The following ZNF483 variants were observed in gnomAD, a reference collection of about 807,000 sequenced individuals.
The protein encoded by ZNF483 is zinc finger protein HIT-10.
Under a neutral mutation model 28.6 loss-of-function variants are expected in ZNF483, and 9 were observed. That is an observed-to-expected ratio of 0.32 (90% CI 0.19 to 0.55). The LOEUF is 0.55. Among genes scored for constraint, ZNF483 ranks in the 20% least tolerant of loss-of-function variants. The probability of loss-of-function intolerance (pLI) is 0.93; values close to 1 mark genes in which losing one functional copy is unlikely to be tolerated. For missense variants in ZNF483, 675 were observed against 871.7 expected (o/e 0.77, Z 2.84); for synonymous variants, 322 against 306.2 (o/e 1.05, Z -0.54).
At chr9:111,565,054 G>C (rs1358839079) in intron 5 of ZNF483, among the ~76,000 whole-genome samples, 2 of 152,120 alleles carry the variant, frequency 1.3e-5, no homozygotes, top group Non-Finnish European at 2.9e-5. Flanking sequence ...AACCCGGCAG[G>C]CGGAGGTTGC....
At chr9:111,533,609 G>A (rs1310100136) in intron 3 of ZNF483, 130 bp from the exon 4 acceptor site, 2 of 855,918 alleles carry the variant, frequency 2.3e-6, no homozygotes, top group Non-Finnish European at 3.3e-6. Flanking sequence ...GGTTGAGCCT[G>A]CAGTGAACCA....
At chr9:111,560,858 G>T (rs1350016929) in intron 5 of ZNF483, among the ~76,000 whole-genome samples, 1 of 147,956 alleles carries the variant, frequency 6.8e-6, no homozygotes. Context: ...CAGGAGAATC[G>T]CTTGAAGCCG....
chr9:111,528,427 A>G (rs1469371703), intron 2 of ZNF483, among the ~76,000 whole-genome samples: 1 of 152,242 alleles, frequency 6.6e-6, no homozygotes, highest in African/African-American at 2.4e-5. Flanking sequence ...ACATATTATA[A>G]ATACAAATGT....
chr9:111,571,955 T>A (rs1589300725), intron 5 of ZNF483, among the ~76,000 whole-genome samples: 1 of 152,260 alleles, frequency 6.6e-6, no homozygotes, highest in East Asian at 1.9e-4. Flanking sequence ...AAGAAAAAGT[T>A]TTTTGGTTGC....
Position 111,544,293 on chromosome 9 carries a change from A to G in ZNF483, c.*1123A>G. ...ATTTTTTTGCAATTGGAGTGTAAAC[A>G]TTCTGTGTGGCAACAGTTAAAAGCT... is the stretch of plus-strand genomic sequence containing the variant. On this transcript the variant is annotated 3_prime_UTR_variant, in exon 6 of 6. Coordinates refer to ENST00000309235, the MANE Select transcript of ZNF483 (RefSeq NM_133464.5). 2 of 985,352 alleles carry G rather than the reference A, an allele frequency of 2.0e-6. No individual in the cohort carries two copies. The highest frequency in any genetic ancestry group is 2.4e-6 in the Non-Finnish European group (2 of 829,942). 61.0% of individuals were successfully genotyped at this position (985,352 alleles called of 1,614,324 possible). A position where few individuals can be genotyped will look rare whatever the true frequency, so the allele number is the denominator to read the frequency against.
chr9:111,534,718 C>CTTTTTTTT (rs67740162), intron 5 of ZNF483, among the ~76,000 whole-genome samples: 13 of 88,122 alleles, frequency 1.5e-4, no homozygotes, highest in East Asian at 6.6e-4. Flanking sequence ...GTCGTTCTAT[C>CTTTTTTTT]TTTTTTTTTT....
chr9:111,549,847 G>A lies in ZNF483; in HGVS notation c.*6677G>A. The A allele has an allele frequency of 2.4e-6, 3 of 1,245,664 alleles. No homozygotes were observed. The highest frequency in any genetic ancestry group is 2.3e-6 in the Non-Finnish European group (2 of 875,704). 77.2% of individuals were successfully genotyped at this position (1,245,664 alleles called of 1,614,324 possible). A position where few individuals can be genotyped will look rare whatever the true frequency, so the allele number is the denominator to read the frequency against. ...TAGCTCTTTGAGCATCTTTAAGGCA[G>A]TTGCTTTAAAGTCTGTCTAGTGAGT... is the stretch of plus-strand genomic sequence containing the variant. On this transcript the variant is annotated 3_prime_UTR_variant, in exon 6 of 6. Transcript: ENST00000309235.
chr9:111,560,974 T>G (rs868301263), intron 5 of ZNF483, among the ~76,000 whole-genome samples: 2,263 of 8,972 alleles, frequency 0.25, 36 homozygotes, highest in South Asian at 0.3. Flanking sequence ...TATATATATA[T>G]AGAGAGAGAG....
intron 5 of ZNF483, among the ~76,000 whole-genome samples, chr9:111,534,721 T>G (rs1156471622): frequency 1.5e-5 from 2 of 136,268 alleles, no homozygotes; most frequent in Non-Finnish European, 3.2e-5. Flanking sequence ...GTTCTATCTT[T>G]TTTTTTTTTT....
Position 111,546,101 on chromosome 9 carries a change from C to T in ZNF483, c.*2931C>T, listed in dbSNP as rs369110758. Among the ~76,000 whole-genome samples, 6 of 152,084 alleles carry T rather than the reference C, an allele frequency of 3.9e-5. No individual in the cohort carries two copies. The highest frequency in any genetic ancestry group is 8.8e-5 in the Non-Finnish European group (6 of 67,996). ...TTTTTAAAAATTATGCCCATCCTAG[C>T]GTTTGAAATGATATTCCTTTGTGGT... On this transcript the variant is annotated 3_prime_UTR_variant, in exon 6 of 6. Coordinates refer to ENST00000309235, the MANE Select transcript of ZNF483 (RefSeq NM_133464.5).
At position 111,555,366 on chromosome 9, in the gene ZNF483, A is replaced by G. The variant is rs998944916; in HGVS notation, c.*12196A>G. ...TCTGATTTTCTCCCTACTTCCAGAA[A>G]ACCTGATGCCTCCACCTCCTAAATC... is the stretch of plus-strand genomic sequence containing the variant. On this transcript the variant is annotated 3_prime_UTR_variant, in exon 6 of 6. Coordinates refer to ENST00000309235, the MANE Select transcript of ZNF483 (RefSeq NM_133464.5). Among the ~76,000 whole-genome samples, 1 of 152,124 alleles carries G rather than the reference A, an allele frequency of 6.6e-6. No homozygotes were observed. Among genetic ancestry groups the G allele is most frequent in the Non-Finnish European group, 1.5e-5 (1 of 68,024 alleles).
rs1589279951 is a variant in ZNF483 at position 111,549,212 on chromosome 9, C to T, written c.*6042C>T. 1.3e-5 allele frequency among the ~76,000 whole-genome samples: 2 copies of T among 152,262 alleles called. No individual in the cohort carries two copies. The highest frequency in any genetic ancestry group is 2.1e-4 in the South Asian group (1 of 4,820). On this transcript the variant is annotated 3_prime_UTR_variant, in exon 6 of 6. Coordinates refer to ENST00000309235, the MANE Select transcript of ZNF483 (RefSeq NM_133464.5). ...TTGTTTTGCTCTTTTGTTTTCCCCT[C>T]GGAATAGTTTATCAGATGAGGAATT...
intron 5 of ZNF483, among the ~76,000 whole-genome samples, chr9:111,535,895 T>TA (rs1424658020): frequency 6.9e-6 from 1 of 145,058 alleles, no homozygotes; most frequent in African/African-American, 2.5e-5. Flanking sequence ...ATATATATTA[T>TA]TATTCTTTTT....
rs1035438505 is a variant in ZNF483, at chr9:111,552,194, T to C, written c.*9024T>C. Among the ~76,000 whole-genome samples the C allele has an allele frequency of 3.3e-5, 5 of 152,236 alleles. No homozygotes were observed. The highest frequency in any genetic ancestry group is 9.6e-5 in the African/African-American group (4 of 41,468). On this transcript the variant is annotated 3_prime_UTR_variant, in exon 6 of 6. Transcript: ENST00000309235. ...TCTTTTGTTTCAAGGAAATCTTGAA[T>C]TGGATTTTCTAGTACAGGAAATCCT... is the stretch of plus-strand genomic sequence containing the variant.
chr9:111,553,666 C>T lies in ZNF483; in HGVS notation c.*10496C>T, dbSNP rs2132288905. On this transcript the variant is annotated 3_prime_UTR_variant, in exon 6 of 6. Coordinates refer to ENST00000309235, the MANE Select transcript of ZNF483 (RefSeq NM_133464.5). ...ACAAGCATTATAATACAACAGTGTC[C>T]TATGCAATGCAGTGGTTAAAGTGAA... 6.6e-6 allele frequency among the ~76,000 whole-genome samples: 1 copy of T among 152,294 alleles called. No homozygotes were observed. Among genetic ancestry groups the T allele is most frequent in the East Asian group, 1.9e-4 (1 of 5,184 alleles).
At position 111,547,343 on chromosome 9, in the gene ZNF483, G is replaced by T. The variant is rs1827830679; in HGVS notation, c.*4173G>T. On this transcript the variant is annotated 3_prime_UTR_variant, in exon 6 of 6. Coordinates refer to ENST00000309235, the MANE Select transcript of ZNF483 (RefSeq NM_133464.5). ...CTTTTTTATAATAGACATCCTAATGGGTTTGAAGTGGCATCTTATTCTAGT... is the reference window on the plus strand; with the variant it reads ...CTTTTTTATAATAGACATCCTAATGTGTTTGAAGTGGCATCTTATTCTAGT... Among the ~76,000 whole-genome samples, 2 of 152,052 alleles carry T rather than the reference G, an allele frequency of 1.3e-5. No individual in the cohort carries two copies. The highest frequency in any genetic ancestry group is 1.3e-4 in the Admixed American group (2 of 15,266).
chr9:111,531,972 T>A (rs1827357980), intron 3 of ZNF483, among the ~76,000 whole-genome samples: 1 of 152,242 alleles, frequency 6.6e-6, no homozygotes, highest in Non-Finnish European at 1.5e-5. Flanking sequence ...CATTAGCCAC[T>A]GTGCCCAGAC....
At chr9:111,563,212 T>C (rs1828388672) in intron 5 of ZNF483, 1 of 1,613,580 alleles carries the variant, frequency 6.2e-7, no homozygotes, top group South Asian at 1.1e-5. Context: ...AATGATATAT[T>C]CCTTGTACTG....
chr9:111,554,476 C>CA lies in ZNF483; in HGVS notation c.*11307dup, dbSNP rs1828063491. On this transcript the variant is annotated 3_prime_UTR_variant, in exon 6 of 6. Coordinates refer to ENST00000309235, the MANE Select transcript of ZNF483 (RefSeq NM_133464.5). Reference sequence around the variant, plus strand: ...TCTTTCTTCCCACACTTAATGCATACAGTAGCCCCCTTATCCATGGGGGAT... The same window carrying CA: ...TCTTTCTTCCCACACTTAATGCATACAAGTAGCCCCCTTATCCATGGGGGAT... 2.0e-5 allele frequency among the ~76,000 whole-genome samples: 3 copies of CA among 152,310 alleles called. No individual in the cohort carries two copies. The South Asian group carries it at 6.2e-4, about 32-fold the overall frequency.
Sources: allele counts gnomAD v4.1 joint callset (sites outside exome capture counted in the v4.1 genomes callset), GRCh38; gene constraint gnomAD v4.1.1; transcripts MANE v1.5; gene names NCBI Gene and HGNC (gene_info 2026-07-23, HGNC 2026-07-21).